Variants in CNBD1 observed in about 807,000 individuals in gnomAD.
The protein encoded by CNBD1 is cyclic nucleotide binding domain containing 1.
Under a neutral mutation model 54.4 loss-of-function variants are expected in CNBD1, and 71 were observed. The ratio of observed to expected loss-of-function variants is 1.30; its 90% CI spans 1.08 to 1.59. CNBD1 has a LOEUF of 1.59. Ranked by LOEUF, CNBD1 falls within the 40% of genes most tolerant of loss-of-function variation. CNBD1 has a pLI of 0.00. For synonymous variants in CNBD1, 182 were observed against 170.7 expected, an observed-to-expected ratio of 1.07 and a Z score of -0.51; for missense variants, 659 against 518.0, an observed-to-expected ratio of 1.27 and a Z score of -2.64.
chr8:87,262,647 T>G (rs1808165779), intron 6 of CNBD1, among the ~76,000 whole-genome samples: 1 of 152,184 alleles, frequency 6.6e-6, no homozygotes, highest in Non-Finnish European at 1.5e-5. Context: ...TTGACTAATA[T>G]GCCTGCTTTG....
At chr8:86,977,173 C>T (rs1808362328) in intron 4 of CNBD1, among the ~76,000 whole-genome samples, 1 of 151,942 alleles carries the variant, frequency 6.6e-6, no homozygotes, top group African/African-American at 2.4e-5. Flanking sequence ...CACCTATGGC[C>T]TTTATAGTGT....
At chr8:87,427,899 G>A (rs1808076431) in intron 2 of CNBD1, among the ~76,000 whole-genome samples, 1 of 152,028 alleles carries the variant, frequency 6.6e-6, no homozygotes, top group African/African-American at 2.4e-5. Context: ...GGCCATCCTA[G>A]GTTGTTTTTG....
chr8:87,071,285 C>T (rs1197359392), intron 4 of CNBD1, among the ~76,000 whole-genome samples: 1 of 152,004 alleles, frequency 6.6e-6, no homozygotes, highest in Admixed American at 6.6e-5. Flanking sequence ...ATTTTTAATT[C>T]ACACACTACT....
At chr8:87,021,371 A>G (rs1809485628) in intron 4 of CNBD1, among the ~76,000 whole-genome samples, 2 of 152,166 alleles carry the variant, frequency 1.3e-5, no homozygotes, top group Non-Finnish European at 2.9e-5. Context: ...CTATTATCCT[A>G]TTATATTTCA....
At chr8:87,224,089 G>C (rs1460522710) in intron 5 of CNBD1, among the ~76,000 whole-genome samples, 1 of 151,294 alleles carries the variant, frequency 6.6e-6, no homozygotes, top group Non-Finnish European at 1.5e-5. Flanking sequence ...TGATGGGGTT[G>C]TTTGTTTTTT....
chr8:87,379,757 CTGAT>C (rs1222920424), intron 10 of CNBD1, among the ~76,000 whole-genome samples: 6 of 151,492 alleles, frequency 4.0e-5, no homozygotes, highest in Non-Finnish European at 5.9e-5. Flanking sequence ...TTGATTGAAT[CTGAT>C]TGTTTTATAT....
At chr8:86,873,445 AC>A (rs1563806376) in intron 1 of CNBD1, among the ~76,000 whole-genome samples, 1 of 151,832 alleles carries the variant, frequency 6.6e-6, no homozygotes, top group Non-Finnish European at 1.5e-5. Flanking sequence ...TGGAGAATTG[AC>A]ATATTTATAA....
intron 1 of CNBD1, 59 bp downstream of exon 1, chr8:86,866,642 C>A: frequency 7.6e-7 from 1 of 1,314,712 alleles, no homozygotes; most frequent in Non-Finnish European, 1.1e-6. Context: ...GCGGTTCTTA[C>A]CCCAGCTATG....
chr8:87,002,707 C>T (rs1023962355), intron 4 of CNBD1, among the ~76,000 whole-genome samples: 4 of 152,000 alleles, frequency 2.6e-5, no homozygotes, highest in African/African-American at 7.2e-5. Flanking sequence ...GTTCTCCCAA[C>T]TCTGCCTTCT....
intron 4 of CNBD1, among the ~76,000 whole-genome samples, chr8:86,978,534 CTTTTTTTT>C (rs71277907): frequency 1.5e-5 from 1 of 66,720 alleles, no homozygotes; most frequent in Non-Finnish European, 2.6e-5. Context: ...ATGCTTTTAT[CTTTTTTTT>C]TTTTTTTTTT....
rs183835636 is a variant in CNBD1 at position 87,055,804 on chromosome 8, C to T, written c.431+116050C>T. 2.4e-3 allele frequency among the ~76,000 whole-genome samples: 359 copies of T among 149,506 alleles called. 3 individuals carry two copies. Among genetic ancestry groups the T allele is most frequent in the African/African-American group, 8.2e-3 (332 of 40,520 alleles). On this transcript the variant is annotated intron_variant, in intron 4 of 10. Transcript: ENST00000518476. ...TTCACTCTCTGCTTCCCTTTCTTTT[C>T]ATCCATCCCTTCCTTCCTTCCCTCC...
intron 3 of CNBD1, among the ~76,000 whole-genome samples, chr8:86,919,984 A>T (rs565320792): frequency 6.6e-6 from 1 of 152,024 alleles, no homozygotes; most frequent in East Asian, 1.9e-4. Context: ...TTACTGTTTG[A>T]TATGTTTCTT....
chr8:87,206,203 T>TAATTATAAG, intron 5 of CNBD1, 65 bp downstream of exon 5: 1 of 1,252,354 alleles, frequency 8.0e-7, no homozygotes, highest in Non-Finnish European at 1.1e-6. Flanking sequence ...GAGTTCTTTA[T>TAATTATAAG]CATTATAATG....
intron 2 of CNBD1, among the ~76,000 whole-genome samples, chr8:87,398,938 T>G (rs530994048): frequency 2.0e-5 from 3 of 152,122 alleles, no homozygotes; most frequent in African/African-American, 7.2e-5. Context: ...ATCCCCTTAG[T>G]GGGATATTTT....
At chr8:86,910,612 T>C (rs1354012300) in intron 3 of CNBD1, among the ~76,000 whole-genome samples, 1 of 152,190 alleles carries the variant, frequency 6.6e-6, no homozygotes, top group African/African-American at 2.4e-5. Flanking sequence ...TTCAATACAT[T>C]TAATATCTAC....
chr8:87,354,807 T>C (rs1810390545), intron 10 of CNBD1, among the ~76,000 whole-genome samples: 1 of 152,214 alleles, frequency 6.6e-6, no homozygotes, highest in African/African-American at 2.4e-5. Flanking sequence ...AGTCTATCAC[T>C]GTTGGACATT....
intron 10 of CNBD1, among the ~76,000 whole-genome samples, chr8:87,358,004 T>A (rs1810455489): frequency 6.6e-6 from 1 of 152,160 alleles, no homozygotes; most frequent in Non-Finnish European, 1.5e-5. Context: ...TCCTTTTCTC[T>A]CTCTTGCTCC....
At chr8:87,425,061 T>G (rs1420056412) in intron 2 of CNBD1, among the ~76,000 whole-genome samples, 1 of 152,136 alleles carries the variant, frequency 6.6e-6, no homozygotes, top group African/African-American at 2.4e-5. Flanking sequence ...CTCGCTTCAT[T>G]TCATTCATTT....
intron 6 of CNBD1, among the ~76,000 whole-genome samples, chr8:87,269,773 A>G (rs1218392206): frequency 6.6e-6 from 1 of 152,068 alleles, no homozygotes; most frequent in African/African-American, 2.4e-5. Context: ...TCAGCAATAA[A>G]AAACCTACTA....
Sources: gnomAD v4.1 joint callset for allele counts (sites outside exome capture counted in the v4.1 genomes callset) on GRCh38, gnomAD v4.1.1 for gene constraint, MANE v1.5 for transcripts, NCBI Gene and HGNC (gene_info 2026-07-23, HGNC 2026-07-21) for gene names.